SERPINE2: variants seen among roughly 807,000 people sequenced by gnomAD.
SERPINE2 encodes serpin family E member 2.
A neutral mutation model predicts 36.3 loss-of-function variants in SERPINE2; 14 were observed. That is an observed-to-expected ratio of 0.39 (90% CI 0.25 to 0.60). SERPINE2 has a LOEUF of 0.60. SERPINE2 is among the 20% of genes least tolerant of loss of function. SERPINE2 has a pLI of 0.57. For synonymous variants in SERPINE2, 192 were observed against 191.8 expected (o/e 1.00, Z -0.01); for missense variants, 418 against 499.6 (o/e 0.84, Z 1.56).
chr2:224,030,807 T>G (rs1692337829), intron 1 of SERPINE2: 1 of 227,638 alleles, frequency 4.4e-6, no homozygotes, highest in African/African-American at 2.3e-5. Context: ...GTGATTCTGC[T>G]GAGTTTTATC....
chr2:224,005,801 A>G (rs1023993078), intron 1 of SERPINE2, among the ~76,000 whole-genome samples: 1 of 152,230 alleles, frequency 6.6e-6, no homozygotes, highest in Non-Finnish European at 1.5e-5. Flanking sequence ...AAGATGGAAG[A>G]TTATCATTTG....
chr2:223,988,864 A>T (rs1236734026), intron 4 of SERPINE2, among the ~76,000 whole-genome samples: 1 of 152,180 alleles, frequency 6.6e-6, no homozygotes, highest in Non-Finnish European at 1.5e-5. Context: ...AGGATCAAGT[A>T]AATCCTTATG....
chr2:223,992,649 T>C (rs1230626612), intron 3 of SERPINE2, among the ~76,000 whole-genome samples: 1 of 152,160 alleles, frequency 6.6e-6, no homozygotes, highest in Non-Finnish European at 1.5e-5. Context: ...GGTGCTAATA[T>C]TAGAGACAAC....
intron 1 of SERPINE2, among the ~76,000 whole-genome samples, chr2:224,008,659 C>T (rs912965485): frequency 6.6e-6 from 1 of 152,182 alleles, no homozygotes; most frequent in Non-Finnish European, 1.5e-5. Flanking sequence ...TTTTATACAT[C>T]TTCTGTTCCA....
intron 1 of SERPINE2, among the ~76,000 whole-genome samples, chr2:224,034,586 C>T (rs1692475735): frequency 6.6e-6 from 1 of 152,142 alleles, no homozygotes; most frequent in African/African-American, 2.4e-5. Context: ...TGCATGCTGA[C>T]AGGAACTGAG....
chr2:223,976,533 G>A (rs1690015678), intron 8 of SERPINE2, among the ~76,000 whole-genome samples: 1 of 152,200 alleles, frequency 6.6e-6, no homozygotes, highest in Non-Finnish European at 1.5e-5. Flanking sequence ...TCTGGGGCAT[G>A]CCAATTAGAA....
rs41484545 is a variant in SERPINE2, at chr2:223,998,197, C to A, written c.405G>T (p.Gln135His). The A allele has an allele frequency of 6.2e-7, 1 of 1,614,246 alleles. No individual in the cohort carries two copies. Among genetic ancestry groups the A allele is most frequent in the South Asian group, 1.1e-5 (1 of 91,086 alleles). ...CAAAGTTCACATTCCGGACCTCACA[C>A]TGGAACACATCTTTGTTCCTTGTAA... The part of the protein sequence containing the change: ...PFVTRNKDVF[Q>H]CEVRNVNFED... The change falls in exon 3 of 9, where the codon CAG becomes CAT. Residue 135 changes from glutamine to histidine, a missense_variant. Gln to His is a conservative substitution (Grantham distance 24). Coordinates refer to ENST00000409304, the MANE Select transcript of SERPINE2 (RefSeq NM_001136528.2).
intron 1 of SERPINE2, among the ~76,000 whole-genome samples, chr2:224,032,874 C>T (rs984299596): frequency 6.6e-6 from 1 of 152,128 alleles, no homozygotes; most frequent in African/African-American, 2.4e-5. Context: ...AGAAAGAATC[C>T]CAGAAGGGAT....
At chr2:224,001,571 C>T in intron 2 of SERPINE2, 71 bp downstream of exon 2, 1 of 1,529,246 alleles carries the variant, frequency 6.5e-7, no homozygotes, top group Non-Finnish European at 8.8e-7. Flanking sequence ...CAGCAAAAAC[C>T]AAGCCATAAA....
chr2:224,001,501 C>G, intron 2 of SERPINE2, 141 bp downstream of exon 2: 2 of 829,344 alleles, frequency 2.4e-6, no homozygotes, highest in Non-Finnish European at 1.7e-6. Context: ...AAGAGACTGA[C>G]CCCAAGCCCC....
chr2:224,002,759 T>C (rs1351011045), intron 1 of SERPINE2, among the ~76,000 whole-genome samples: 1 of 151,370 alleles, frequency 6.6e-6, no homozygotes, highest in Non-Finnish European at 1.5e-5. Context: ...CCCAAAATGC[T>C]GGGATTACAG....
intron 1 of SERPINE2, among the ~76,000 whole-genome samples, chr2:224,013,453 G>A (rs1359496095): frequency 1.3e-5 from 2 of 152,150 alleles, no homozygotes; most frequent in African/African-American, 4.8e-5. Context: ...CCTCTAGCTG[G>A]GTCCTGCTCC....
At chr2:224,008,894 CA>C (rs1226127906) in intron 1 of SERPINE2, among the ~76,000 whole-genome samples, 1 of 152,218 alleles carries the variant, frequency 6.6e-6, no homozygotes, top group African/African-American at 2.4e-5. Context: ...ACCGATGGCT[CA>C]AACATCACTG....
At chr2:224,006,701 C>G (rs1221311803) in intron 1 of SERPINE2, among the ~76,000 whole-genome samples, 3 of 152,132 alleles carry the variant, frequency 2.0e-5, no homozygotes, top group African/African-American at 7.2e-5. Context: ...GGGACTAATC[C>G]AGCAAGTGTT....
At chr2:224,029,354 A>G (rs1220559252) in intron 1 of SERPINE2, among the ~76,000 whole-genome samples, 2 of 145,908 alleles carry the variant, frequency 1.4e-5, no homozygotes, top group South Asian at 2.3e-4. Context: ...TATGAAGTCC[A>G]AAGTGGATAA....
chr2:224,034,951 C>T (rs571333923), intron 1 of SERPINE2, among the ~76,000 whole-genome samples: 4 of 152,336 alleles, frequency 2.6e-5, no homozygotes, highest in East Asian at 1.9e-4. Flanking sequence ...TAGCGGAGAG[C>T]TCATCTTTCA....
chr2:224,025,326 G>A (rs1692147829), intron 1 of SERPINE2, among the ~76,000 whole-genome samples: 1 of 152,160 alleles, frequency 6.6e-6, no homozygotes, highest in African/African-American at 2.4e-5. Context: ...ATGTATAAGT[G>A]TGTTTCCAGC....
chr2:223,998,645 A>T (rs2106160044), intron 2 of SERPINE2, among the ~76,000 whole-genome samples: 1 of 152,260 alleles, frequency 6.6e-6, no homozygotes, highest in South Asian at 2.1e-4. Context: ...GAGCCTGGGA[A>T]GTCGAGGCTG....
intron 2 of SERPINE2, 85 bp downstream of exon 2, chr2:224,001,557 T>A: frequency 6.7e-7 from 1 of 1,482,130 alleles, no homozygotes; most frequent in Non-Finnish European, 9.0e-7. Flanking sequence ...CTTCTTGGGG[T>A]TGTCAGCAAA....
Sources: gnomAD v4.1 joint callset for allele counts (sites outside exome capture counted in the v4.1 genomes callset) on GRCh38, gnomAD v4.1.1 for gene constraint, MANE v1.5 for transcripts, NCBI Gene and HGNC (gene_info 2026-07-23, HGNC 2026-07-21) for gene names.